The following UXS1 variants were observed in gnomAD, a reference collection of about 807,000 sequenced individuals.
The protein encoded by UXS1 is UDP-glucuronate decarboxylase 1, also known as UDP-glucuronic acid decarboxylase 1.
Under a neutral mutation model 62.6 loss-of-function variants are expected in UXS1, and 33 were observed. The observed-to-expected ratio is 0.53, with a 90% CI of 0.40 to 0.70. The LOEUF (loss-of-function observed/expected upper bound fraction) is 0.70, where lower values mean the gene tolerates loss of function less well. Among genes scored for constraint, UXS1 ranks in the 30% least tolerant of loss-of-function variants. The probability of loss-of-function intolerance (pLI) is 0.00; values close to 1 mark genes in which losing one functional copy is unlikely to be tolerated. For missense variants in UXS1, 434 were observed against 556.3 expected (o/e 0.78, Z 2.21); for synonymous variants, 213 against 206.8 (o/e 1.03, Z -0.26).
chr2:106,170,802 C>G (rs961563649), intron 1 of UXS1, among the ~76,000 whole-genome samples: 2 of 152,202 alleles, frequency 1.3e-5, no homozygotes, highest in Non-Finnish European at 2.9e-5. Flanking sequence ...GGGCATAGAC[C>G]TTAAAAGTTA....
intron 6 of UXS1, among the ~76,000 whole-genome samples, chr2:106,130,914 G>A (rs533266815): frequency 9.5e-4 from 144 of 152,216 alleles, no homozygotes; most frequent in African/African-American, 2.6e-3. Flanking sequence ...CAAGATGGCC[G>A]AATAGGAACA....
chr2:106,174,230 A>G (rs535868018), intron 1 of UXS1, among the ~76,000 whole-genome samples: 1 of 152,312 alleles, frequency 6.6e-6, no homozygotes, highest in South Asian at 2.1e-4. Context: ...TATGGGCACC[A>G]CTGTGTTCCC....
intron 5 of UXS1, among the ~76,000 whole-genome samples, chr2:106,153,941 A>C (rs1260373040): frequency 6.6e-6 from 1 of 152,240 alleles, no homozygotes; most frequent in Non-Finnish European, 1.5e-5. Context: ...GTTGAAACTA[A>C]AAATTCAACA....
At chr2:106,115,592 T>C (rs891756195) in intron 9 of UXS1, among the ~76,000 whole-genome samples, 3 of 152,082 alleles carry the variant, frequency 2.0e-5, no homozygotes, top group Admixed American at 2.0e-4. Context: ...ATAGAACCAA[T>C]GGAAACTTAG....
At chr2:106,130,366 C>T (rs1490752901) in intron 6 of UXS1, among the ~76,000 whole-genome samples, 1 of 152,186 alleles carries the variant, frequency 6.6e-6, no homozygotes, top group African/African-American at 2.4e-5. Context: ...CCACAGCGTT[C>T]CAGCACAGAA....
intron 6 of UXS1, chr2:106,138,311 G>A: frequency 1.0e-6 from 1 of 985,566 alleles, no homozygotes; most frequent in Non-Finnish European, 1.2e-6. Flanking sequence ...GTCCACAACA[G>A]CTCAGCGCTG....
chr2:106,127,747 T>C (rs763664991), intron 7 of UXS1, among the ~76,000 whole-genome samples: 1 of 152,152 alleles, frequency 6.6e-6, no homozygotes, highest in African/African-American at 2.4e-5. Flanking sequence ...CAAAGTCCAA[T>C]TTGGGTTTCT....
At chr2:106,137,445 A>G (rs868295922) in intron 6 of UXS1, among the ~76,000 whole-genome samples, 9 of 152,110 alleles carry the variant, frequency 5.9e-5, no homozygotes, top group Non-Finnish European at 1.2e-4. Context: ...TCCTCTGAAG[A>G]TTCCTCCTCA....
At chr2:106,184,923 T>C in intron 1 of UXS1, among the ~76,000 whole-genome samples, 1 of 152,150 alleles carries the variant, frequency 6.6e-6, no homozygotes, top group South Asian at 2.1e-4. Flanking sequence ...AACCCCAAAA[T>C]GCAAAACTGA....
chr2:106,109,086 C>A (rs967855668), intron 10 of UXS1, among the ~76,000 whole-genome samples: 10 of 152,066 alleles, frequency 6.6e-5, no homozygotes, highest in Non-Finnish European at 1.5e-4. Context: ...GATGCTTCCT[C>A]TTAATAATTT....
At chr2:106,170,329 T>C (rs1279852773) in intron 1 of UXS1, among the ~76,000 whole-genome samples, 1 of 152,208 alleles carries the variant, frequency 6.6e-6, no homozygotes, top group Non-Finnish European at 1.5e-5. Context: ...CAGGAGACAC[T>C]GGTGGCCCTC....
At chr2:106,178,050 G>A (rs559959990) in intron 1 of UXS1, among the ~76,000 whole-genome samples, 25 of 152,276 alleles carry the variant, frequency 1.6e-4, no homozygotes, top group Admixed American at 7.2e-4. Flanking sequence ...CTCTTCCATC[G>A]CAGGCGCTAC....
chr2:106,109,553 G>GT (rs1678406271), intron 10 of UXS1, among the ~76,000 whole-genome samples: 1 of 152,198 alleles, frequency 6.6e-6, no homozygotes, highest in African/African-American at 2.4e-5. Flanking sequence ...TCCTGTGAAG[G>GT]TGAGTGCCAT....
Position 106,166,065 on chromosome 2 carries a change from A to G in UXS1, c.113T>C (p.Val38Ala), listed in dbSNP as rs1683190785. The change falls in exon 2 of 15, where the codon GTT becomes GCT. Residue 38 changes from valine (V) to alanine (A), a missense_variant. Around this residue, in one of 3 missense-constraint regions of UXS1, gnomAD observed 91 missense variants for 71.1 expected, o/e 1.28. Coordinates refer to ENST00000283148, the MANE Select transcript of UXS1 (RefSeq NM_001253875.2). ...AATTAAAAACAATTACCTCATATTA[A>G]CGAAGTTGCCCCAAACAGCTGTAAG... is the stretch of plus-strand genomic sequence containing the variant. ...AYVASVWGNF[V>A]NMSFLLNRSI... is the part of the protein sequence containing the mutation. 2 of 1,611,690 alleles carry G rather than the reference A, an allele frequency of 1.2e-6. No homozygotes were observed. Among genetic ancestry groups the G allele is most frequent in the Non-Finnish European group, 1.7e-6 (2 of 1,179,100 alleles).
At chr2:106,168,997 T>G (rs1320837921) in intron 1 of UXS1, among the ~76,000 whole-genome samples, 1 of 152,190 alleles carries the variant, frequency 6.6e-6, no homozygotes, top group Non-Finnish European at 1.5e-5. Flanking sequence ...AAAGTTTAGT[T>G]ACTTTTAAAA....
chr2:106,165,978 C>T (rs1017958649), intron 2 of UXS1, 78 bp downstream of exon 2: 1 of 1,360,808 alleles, frequency 7.3e-7, no homozygotes, highest in Non-Finnish European at 1.0e-6. Flanking sequence ...TAACCCATGA[C>T]ATCCATGGTA....
At chr2:106,138,613 C>T (rs1680851269) in intron 6 of UXS1, 2 of 985,534 alleles carry the variant, frequency 2.0e-6, no homozygotes, top group Non-Finnish European at 2.4e-6. Flanking sequence ...AAGAGATGAG[C>T]GTAAACTGGG....
chr2:106,188,883 A>C (rs1318202705), intron 1 of UXS1, among the ~76,000 whole-genome samples: 1 of 152,238 alleles, frequency 6.6e-6, no homozygotes, highest in Non-Finnish European at 1.5e-5. Context: ...AATCCAGAGA[A>C]TATACCATGA....
At chr2:106,151,971 AG>A (rs1558729334) in intron 5 of UXS1, among the ~76,000 whole-genome samples, 1 of 152,248 alleles carries the variant, frequency 6.6e-6, no homozygotes, top group African/African-American at 2.4e-5. Context: ...ACTACAGCCT[AG>A]GTGATGGGTA....
Sources: gnomAD v4.1 joint callset for allele counts (sites outside exome capture counted in the v4.1 genomes callset) on GRCh38, gnomAD v4.1.1 for gene constraint, gnomAD v4.1.1 regional missense constraint, MANE v1.5 for transcripts, NCBI Gene and HGNC (gene_info 2026-07-23, HGNC 2026-07-21) for gene names.